Variants in SCEL observed in about 807,000 individuals in gnomAD.
SCEL encodes the protein sciellin.
Under a neutral mutation model 117.6 loss-of-function variants are expected in SCEL, and 113 were observed. The ratio of observed to expected loss-of-function variants is 0.96; its 90% confidence interval spans 0.83 to 1.12. The LOEUF (loss-of-function observed/expected upper bound fraction) is 1.12. SCEL is among the 50% of genes most tolerant of loss of function. The probability of loss-of-function intolerance (pLI) is 0.00; values close to 1 mark genes in which losing one functional copy is unlikely to be tolerated. For missense variants in SCEL, 785 were observed against 810.8 expected (o/e 0.97, Z 0.39); for synonymous variants, 270 against 256.2 (o/e 1.05, Z -0.51).
At chr13:77,605,723 C>T (rs960978736) in intron 19 of SCEL, among the ~76,000 whole-genome samples, 2 of 151,942 alleles carry the variant, frequency 1.3e-5, no homozygotes, top group Non-Finnish European at 2.9e-5. Context: ...ATAATATTTC[C>T]AGGCCGAGCA....
intron 11 of SCEL, among the ~76,000 whole-genome samples, chr13:77,593,300 G>GTGCGCGCGCGTC (rs1555510800): frequency 0.041 from 5,885 of 144,950 alleles, 185 homozygotes; most frequent in Non-Finnish European, 0.06. Context: ...GTGTGTGTCT[G>GTGCGCGCGCGTC]TGTGTGTGTG....
At chr13:77,561,862 C>T (rs2084997451) in intron 4 of SCEL, among the ~76,000 whole-genome samples, 1 of 152,100 alleles carries the variant, frequency 6.6e-6, no homozygotes, top group Admixed American at 6.5e-5. Context: ...ATGGGCAAGG[C>T]TGGCTGGTGG....
intron 30 of SCEL, among the ~76,000 whole-genome samples, chr13:77,639,445 T>C (rs1359507198): frequency 6.6e-6 from 1 of 152,190 alleles, no homozygotes; most frequent in African/African-American, 2.4e-5. Flanking sequence ...TCCTACTTAC[T>C]TTTCCTTTCC....
At chr13:77,555,359 C>A (rs2084594086) in intron 1 of SCEL, among the ~76,000 whole-genome samples, 1 of 152,184 alleles carries the variant, frequency 6.6e-6, no homozygotes, top group South Asian at 2.1e-4. Context: ...TGGCTGCTTT[C>A]CTTCTAATTA....
intron 27 of SCEL, 58 bp downstream of exon 27, chr13:77,618,118 C>T (rs2089195403): frequency 7.4e-7 from 1 of 1,349,164 alleles, no homozygotes; most frequent in East Asian, 2.3e-5. Context: ...GAACTTCTCC[C>T]TCCCTCCTTG....
At chr13:77,580,565 G>T (rs1172265906) in intron 9 of SCEL, among the ~76,000 whole-genome samples, 1 of 152,216 alleles carries the variant, frequency 6.6e-6, no homozygotes, top group East Asian at 1.9e-4. Context: ...GATTCTAACT[G>T]TGTATTTAGG....
At chr13:77,583,507 C>T (rs1431663473) in intron 9 of SCEL, among the ~76,000 whole-genome samples, 2 of 152,280 alleles carry the variant, frequency 1.3e-5, no homozygotes, top group East Asian at 3.9e-4. Flanking sequence ...GGCTCATATA[C>T]TGTTGTGTGT....
intron 9 of SCEL, among the ~76,000 whole-genome samples, chr13:77,586,888 G>T (rs1594032969): frequency 2.0e-5 from 3 of 152,102 alleles, no homozygotes; most frequent in South Asian, 2.1e-4. Flanking sequence ...AAAATGGGAA[G>T]AAGAATAATA....
chr13:77,558,241 A>T (rs1219753110), intron 3 of SCEL, among the ~76,000 whole-genome samples: 1 of 152,216 alleles, frequency 6.6e-6, no homozygotes, highest in Non-Finnish European at 1.5e-5. Flanking sequence ...CAGGGAAGCC[A>T]GCTTGGATGG....
intron 1 of SCEL, among the ~76,000 whole-genome samples, chr13:77,541,698 G>A (rs1444371329): frequency 1.3e-5 from 2 of 152,076 alleles, no homozygotes; most frequent in African/African-American, 4.8e-5. Flanking sequence ...ATTGATTAAA[G>A]GTGTCTGATT....
chr13:77,617,454 C>T (rs2089136782), intron 24 of SCEL, 145 bp from the exon 25 acceptor site: 4 of 560,372 alleles, frequency 7.1e-6, no homozygotes, highest in Non-Finnish European at 1.3e-5. Flanking sequence ...TCTTCATCCC[C>T]TAAATTGGTT....
intron 15 of SCEL, 136 bp from the exon 16 acceptor site, chr13:77,601,929 C>A: frequency 5.5e-6 from 3 of 550,246 alleles, no homozygotes; most frequent in Non-Finnish European, 9.0e-6. Flanking sequence ...GACTTCTGAT[C>A]CTTTAGGCAC....
intron 24 of SCEL, among the ~76,000 whole-genome samples, chr13:77,615,868 C>T (rs1305615972): frequency 6.6e-6 from 1 of 151,922 alleles, no homozygotes; most frequent in African/African-American, 2.4e-5. Context: ...ATGTGGGTTG[C>T]AACTCATTAA....
At chr13:77,578,118 A>T (rs892815320) in intron 9 of SCEL, among the ~76,000 whole-genome samples, 5 of 152,092 alleles carry the variant, frequency 3.3e-5, no homozygotes, top group Non-Finnish European at 4.4e-5. Context: ...GCTGTCATGG[A>T]CCTCTTTGTA....
At chr13:77,572,862 G>A (rs549825071) in intron 9 of SCEL, among the ~76,000 whole-genome samples, 3 of 152,244 alleles carry the variant, frequency 2.0e-5, no homozygotes, top group African/African-American at 7.2e-5. Context: ...GAATTTTGGG[G>A]GCAGAGGGGA....
intron 30 of SCEL, among the ~76,000 whole-genome samples, 163 bp downstream of exon 30, chr13:77,637,357 CAT>C (rs67973137): frequency 5.2e-3 from 217 of 41,806 alleles, no homozygotes; most frequent in Admixed American, 0.014. Context: ...CATATATAAA[CAT>C]ATATACATAT....
At chr13:77,632,390 T>G (rs1285796208) in intron 28 of SCEL, among the ~76,000 whole-genome samples, 2 of 152,244 alleles carry the variant, frequency 1.3e-5, no homozygotes, top group African/African-American at 2.4e-5. Context: ...CTGAACATTT[T>G]CAAGTGATTC....
chr13:77,599,045 G>A (rs755985111), intron 13 of SCEL, among the ~76,000 whole-genome samples: 13 of 152,104 alleles, frequency 8.5e-5, no homozygotes, highest in Non-Finnish European at 1.0e-4. Flanking sequence ...TAAAGCCCAC[G>A]CTTGAAAGCT....
At position 77,546,340 on chromosome 13, in the gene SCEL, G is replaced by T. The variant is rs554808977; in HGVS notation, c.-19-9517G>T. On this transcript the variant is annotated intron_variant, in intron 1 of 32. Coordinates refer to ENST00000349847, the MANE Select transcript of SCEL (RefSeq NM_144777.3). ...TACTGAAAAGAGCTCTGGTGTTGCA[G>T]TCACACAGACCTAACTGCAGTTTCT... is the stretch of plus-strand genomic sequence containing the variant. Among the ~76,000 whole-genome samples, 449 of 152,274 alleles carry T rather than the reference G, an allele frequency of 2.9e-3. 3 individuals carry two copies. Among genetic ancestry groups the T allele is most frequent in the African/African-American group, 0.01 (425 of 41,558 alleles).
Sources: gnomAD v4.1 joint callset for allele counts (sites outside exome capture counted in the v4.1 genomes callset) on GRCh38, gnomAD v4.1.1 for gene constraint, MANE v1.5 for transcripts, NCBI Gene and HGNC (gene_info 2026-07-23, HGNC 2026-07-21) for gene names.